The following DYNC1I1 variants were observed in gnomAD, a reference collection of about 807,000 sequenced individuals.
DYNC1I1 encodes the protein cytoplasmic dynein 1 intermediate chain 1.
Under a neutral mutation model 86.6 loss-of-function variants are expected in DYNC1I1, and 43 were observed. The ratio of observed to expected loss-of-function variants is 0.50; its 90% CI spans 0.39 to 0.64. DYNC1I1 has a LOEUF of 0.64. DYNC1I1 is among the 30% of genes least tolerant of loss of function. The pLI, the probability that DYNC1I1 is intolerant of heterozygous loss-of-function variation, is 0.00. For missense variants in DYNC1I1, 604 were observed against 788.8 expected (o/e 0.77, Z 2.81); for synonymous variants, 262 against 283.7 (o/e 0.92, Z 0.77).
At chr7:95,911,856 A>G (rs1791344431) in intron 6 of DYNC1I1, among the ~76,000 whole-genome samples, 1 of 152,132 alleles carries the variant, frequency 6.6e-6, no homozygotes, top group African/African-American at 2.4e-5. Context: ...AATTAGAAAA[A>G]TGTGTATAGC....
At chr7:95,989,716 C>G (rs1047758172) in intron 9 of DYNC1I1, among the ~76,000 whole-genome samples, 1 of 152,156 alleles carries the variant, frequency 6.6e-6, no homozygotes, top group Non-Finnish European at 1.5e-5. Flanking sequence ...GAAACTCTAC[C>G]ATGGAGAGAC....
intron 11 of DYNC1I1, among the ~76,000 whole-genome samples, chr7:96,030,984 A>C (rs939820772): frequency 9.9e-5 from 15 of 152,266 alleles, no homozygotes; most frequent in South Asian, 8.3e-4. Flanking sequence ...ACTCATTTGG[A>C]AGTTTCAGTA....
intron 6 of DYNC1I1, among the ~76,000 whole-genome samples, chr7:95,961,992 T>C (rs1469797656): frequency 6.6e-6 from 1 of 152,214 alleles, no homozygotes; most frequent in Non-Finnish European, 1.5e-5. Flanking sequence ...GTGCCCAGGT[T>C]GGCTGAACCC....
At chr7:95,797,682 C>A (rs1381523965) in intron 1 of DYNC1I1, among the ~76,000 whole-genome samples, 1 of 152,166 alleles carries the variant, frequency 6.6e-6, no homozygotes, top group African/African-American at 2.4e-5. Context: ...ATTCACATTG[C>A]CGCTAACCTT....
chr7:95,864,870 G>A (rs1789978004), intron 5 of DYNC1I1, among the ~76,000 whole-genome samples: 1 of 151,776 alleles, frequency 6.6e-6, no homozygotes, highest in African/African-American at 2.4e-5. Context: ...AGCTCAAACA[G>A]GTCTGCCTAA....
chr7:96,021,159 G>C (rs1221880517), intron 10 of DYNC1I1, among the ~76,000 whole-genome samples: 1 of 152,154 alleles, frequency 6.6e-6, no homozygotes, highest in East Asian at 1.9e-4. Context: ...AAATGGTTAA[G>C]ATGATAACAA....
At chr7:95,796,197 G>A (rs757712849) in intron 1 of DYNC1I1, among the ~76,000 whole-genome samples, 2 of 152,084 alleles carry the variant, frequency 1.3e-5, no homozygotes, top group Non-Finnish European at 2.9e-5. Flanking sequence ...AGGGGAGAAG[G>A]AGAATGGGGA....
intron 16 of DYNC1I1, among the ~76,000 whole-genome samples, chr7:96,085,723 G>A (rs1563000043): frequency 6.6e-6 from 1 of 152,072 alleles, no homozygotes; most frequent in Non-Finnish European, 1.5e-5. Flanking sequence ...TACATAGACA[G>A]TGGTTGCATG....
intron 1 of DYNC1I1, among the ~76,000 whole-genome samples, chr7:95,785,775 G>GTATATATATATA (rs200152096): frequency 6.4e-5 from 8 of 124,900 alleles, no homozygotes; most frequent in Non-Finnish European, 8.7e-5. Context: ...GTGTGTATGT[G>GTATATATATATA]TATATATATA....
chr7:96,108,860 C>CAA (rs201915898), intron 16 of DYNC1I1, among the ~76,000 whole-genome samples: 18,836 of 79,188 alleles, frequency 0.24, 1,520 homozygotes, highest in Middle Eastern at 0.31. Context: ...GACTCTGTCT[C>CAA]AAAAAAAAAA....
chr7:96,087,439 A>G (rs1188301329), intron 16 of DYNC1I1, among the ~76,000 whole-genome samples: 3 of 152,224 alleles, frequency 2.0e-5, no homozygotes, highest in Admixed American at 2.0e-4. Context: ...AGCAAGATCC[A>G]GGTATGATCA....
At chr7:96,060,034 A>G (rs1180428262) in intron 14 of DYNC1I1, among the ~76,000 whole-genome samples, 3 of 152,182 alleles carry the variant, frequency 2.0e-5, no homozygotes, top group Non-Finnish European at 2.9e-5. Flanking sequence ...CCCAAAGTTT[A>G]CAAATCAAAT....
chr7:96,020,802 T>C (rs1794527318), intron 10 of DYNC1I1, among the ~76,000 whole-genome samples: 1 of 152,172 alleles, frequency 6.6e-6, no homozygotes, highest in African/African-American at 2.4e-5. Flanking sequence ...AATGGAATAT[T>C]ATTCAGCCTT....
At chr7:95,924,632 C>A (rs1426037531) in intron 6 of DYNC1I1, among the ~76,000 whole-genome samples, 1 of 152,126 alleles carries the variant, frequency 6.6e-6, no homozygotes, top group Non-Finnish European at 1.5e-5. Context: ...CATTAGGTCA[C>A]TCATTAGAAC....
chr7:95,944,721 G>T (rs567748697), intron 6 of DYNC1I1, among the ~76,000 whole-genome samples: 2,196 of 152,106 alleles, frequency 0.014, 53 homozygotes, highest in African/African-American at 0.05. Flanking sequence ...ATGTCCTTTG[G>T]TGGGACATGG....
chr7:95,816,818 T>A (rs866620896), intron 4 of DYNC1I1, among the ~76,000 whole-genome samples: 1 of 152,206 alleles, frequency 6.6e-6, no homozygotes, highest in Non-Finnish European at 1.5e-5. Flanking sequence ...AAAATAATCA[T>A]TGCAATATGT....
chr7:96,002,599 T>C (rs1794038279), intron 10 of DYNC1I1, among the ~76,000 whole-genome samples: 1 of 152,146 alleles, frequency 6.6e-6, no homozygotes, highest in Non-Finnish European at 1.5e-5. Flanking sequence ...TTATTGAATA[T>C]ACAAGAATGA....
chr7:96,087,577 T>C (rs114457025), intron 16 of DYNC1I1, among the ~76,000 whole-genome samples: 4 of 152,340 alleles, frequency 2.6e-5, no homozygotes, highest in African/African-American at 9.6e-5. Flanking sequence ...TGATACCAAA[T>C]ACTTCCTTTG....
At chr7:95,955,085 T>G (rs1412151600) in intron 6 of DYNC1I1, among the ~76,000 whole-genome samples, 1 of 151,960 alleles carries the variant, frequency 6.6e-6, no homozygotes, top group Non-Finnish European at 1.5e-5. Context: ...AAATCAAGAG[T>G]AAGCCTTTAC....
Sources: gnomAD v4.1 joint callset for allele counts (sites outside exome capture counted in the v4.1 genomes callset) on GRCh38, gnomAD v4.1.1 for gene constraint, MANE v1.5 for transcripts, NCBI Gene and HGNC (gene_info 2026-07-23, HGNC 2026-07-21) for gene names.